WNK3: variants seen among roughly 807,000 people sequenced by gnomAD.
The protein encoded by WNK3 is serine/threonine-protein kinase WNK3.
In WNK3, 18 loss-of-function variants were observed where a neutral mutation model predicts 116.7. That is an observed-to-expected ratio of 0.15 (90% CI 0.11 to 0.23). WNK3 has a LOEUF of 0.23. WNK3 is among the 10% of genes least tolerant of loss of function. The pLI, the probability that WNK3 is intolerant of heterozygous loss-of-function variation, is 1.00. For synonymous variants in WNK3, 404 were observed against 469.4 expected, an observed-to-expected ratio of 0.86 and a Z score of 1.80; for missense variants, 993 against 1,323.8, an observed-to-expected ratio of 0.75 and a Z score of 3.88.
intron 6 of WNK3, among the ~76,000 whole-genome samples, chrX:54,301,485 G>A (rs782551026): frequency 1.7e-4 from 19 of 110,827 alleles, no homozygotes; most frequent in African/African-American, 5.2e-4. Context: ...ATTAACTTGT[G>A]AGGGCCTACT....
intron 10 of WNK3, among the ~76,000 whole-genome samples, chrX:54,290,134 G>C (rs1557164705): frequency 9.0e-6 from 1 of 111,225 alleles, no homozygotes; most frequent in African/African-American, 3.3e-5. Flanking sequence ...AAATTGGCCA[G>C]GCATGCTGGT....
At chrX:54,336,106 A>C (rs1247386298) in intron 1 of WNK3, among the ~76,000 whole-genome samples, 2 of 112,029 alleles carry the variant, frequency 1.8e-5, no homozygotes, top group African/African-American at 6.5e-5. Context: ...CCTGGGCAAC[A>C]TGGTGAAACC....
chrX:54,346,922 A>G (rs782322920), intron 1 of WNK3, among the ~76,000 whole-genome samples: 138 of 112,010 alleles, frequency 1.2e-3, no homozygotes, highest in African/African-American at 4.4e-3. Context: ...AGGAGATTCT[A>G]TTTAGGAAGG....
chrX:54,325,790 G>A lies in WNK3; in HGVS notation c.537+7347C>T, dbSNP rs150181605. 7.2e-3 allele frequency among the ~76,000 whole-genome samples: 780 copies of A among 109,069 alleles called. 9 individuals carry two copies. Among genetic ancestry groups the A allele is most frequent in the African/African-American group, 0.025 (763 of 30,013 alleles). 94.7% of individuals were successfully genotyped at this position (109,069 alleles called of 115,157 possible). On this transcript the variant is annotated intron_variant, in intron 2 of 23. Transcript: ENST00000354646. ...CCAACTCATCATAGAGCAAAAACTG[G>A]TTGTATTTCCATGTGTAAAAGCTAA... is the stretch of plus-strand genomic sequence containing the variant.
chrX:54,274,334 C>T (rs1020789957), intron 10 of WNK3, among the ~76,000 whole-genome samples: 12 of 111,381 alleles, frequency 1.1e-4, no homozygotes, highest in Admixed American at 5.8e-4. Context: ...GATGACATTG[C>T]TTCCATTTCA....
chrX:54,267,124 T>C (rs868946350), intron 10 of WNK3, among the ~76,000 whole-genome samples: 5 of 112,081 alleles, frequency 4.5e-5, no homozygotes, highest in African/African-American at 1.3e-4. Flanking sequence ...ACTGCAGCAC[T>C]ATTTACAATA....
intron 17 of WNK3, among the ~76,000 whole-genome samples, chrX:54,247,889 T>C (rs1557153002): frequency 9.0e-6 from 1 of 111,432 alleles, no homozygotes; most frequent in Non-Finnish European, 1.9e-5. Context: ...TTATTAGTGG[T>C]TACTTTTGTG....
chrX:54,204,973 TG>T (rs1231019211), intron 22 of WNK3, among the ~76,000 whole-genome samples: 1 of 112,418 alleles, frequency 8.9e-6, no homozygotes, highest in Non-Finnish European at 1.9e-5. Flanking sequence ...CCAATCATTC[TG>T]GGAGGCCAAG....
At chrX:54,212,892 G>A (rs1355454370) in intron 22 of WNK3, among the ~76,000 whole-genome samples, 2 of 111,592 alleles carry the variant, frequency 1.8e-5, no homozygotes, top group Non-Finnish European at 3.8e-5. Flanking sequence ...GGATATGTGT[G>A]TGTATATATA....
chrX:54,313,387 T>C (rs1268576981), intron 2 of WNK3, among the ~76,000 whole-genome samples: 1 of 109,282 alleles, frequency 9.2e-6, no homozygotes, highest in Non-Finnish European at 1.9e-5. Context: ...GTTTTGCTCT[T>C]GTTGCCCAGG....
chrX:54,307,935 C>T, exon 5 of WNK3: 1 of 1,188,515 alleles, frequency 8.4e-7, no homozygotes, highest in Middle Eastern at 2.4e-4. Flanking sequence ...AGTTACTTTC[C>T]GGTATATTTG....
chrX:54,295,046 G>A (rs1488934127), intron 7 of WNK3, among the ~76,000 whole-genome samples, 199 bp from the exon 8 acceptor site: 3 of 107,849 alleles, frequency 2.8e-5, no homozygotes, highest in Admixed American at 1.0e-4. Flanking sequence ...ACAGGTGCCC[G>A]CCACCACGCC....
At chrX:54,321,550 C>T (rs781801576) in intron 2 of WNK3, among the ~76,000 whole-genome samples, 5 of 111,476 alleles carry the variant, frequency 4.5e-5, no homozygotes, top group South Asian at 3.8e-4. Flanking sequence ...CTGAGGATAA[C>T]GATAATTTGT....
intron 4 of WNK3, 70 bp downstream of exon 4, chrX:54,309,025 T>C: frequency 3.2e-6 from 3 of 948,699 alleles, no homozygotes; most frequent in Non-Finnish European, 4.5e-6. Flanking sequence ...GCTGGCTGAT[T>C]CCTGTTCTAG....
In WNK3 at chrX:54,218,797, T is replaced by C. The variant is rs782401670; in HGVS notation, c.4870+9917A>G. 6.3e-5 allele frequency among the ~76,000 whole-genome samples: 7 copies of C among 110,636 alleles called. No homozygotes were observed. In the East Asian group the frequency reaches 1.7e-3, roughly 27 times the overall value. On this transcript the variant is annotated intron_variant, in intron 22 of 23. Coordinates refer to ENST00000354646, the Ensembl canonical transcript of WNK3. ...TACCTGGGGGGCTGAGGCACGAGAATTGCTTGAACCCGGGAAGCGGAGGTT... is the reference window on the plus strand; with the variant it reads ...TACCTGGGGGGCTGAGGCACGAGAACTGCTTGAACCCGGGAAGCGGAGGTT...
At position 54,288,541 on chromosome X, in the gene WNK3, C is replaced by T. The variant is rs112479360; in HGVS notation, c.2037+4347G>A. 8.9e-3 allele frequency among the ~76,000 whole-genome samples: 992 copies of T among 111,193 alleles called. 9 individuals are homozygous for T. Among genetic ancestry groups the T allele is most frequent in the African/African-American group, 0.032 (968 of 30,678 alleles). On this transcript the variant is annotated intron_variant, in intron 10 of 23. Transcript: ENST00000354646. ...GCTAGATGTGATTGGGAAAACTGTG[C>T]TGAGAAATGTGGGGGCTGGATCTGT...
chrX:54,282,232 A>T lies in WNK3; in HGVS notation c.2037+10656T>A, dbSNP rs1375318504. Among the ~76,000 whole-genome samples the T allele has an allele frequency of 2.7e-5, 3 of 109,381 alleles. No individual in the cohort carries two copies. In the Admixed American group the frequency reaches 3.0e-4, roughly 11 times the overall value. The allele number at this position is 109,381 out of a possible 115,157, so 95.0% of individuals were successfully genotyped here. On this transcript the variant is annotated intron_variant, in intron 10 of 23. Coordinates refer to ENST00000354646, the Ensembl canonical transcript of WNK3. ...ATTTTTTAATTTTTTTGTAGAGACG[A>T]GGAGGTCTCACTATGTTGCCCAGGT...
intron 1 of WNK3, among the ~76,000 whole-genome samples, chrX:54,337,781 C>T (rs1349563020): frequency 9.1e-6 from 1 of 109,381 alleles, no homozygotes; most frequent in East Asian, 2.9e-4. Context: ...AAAATAAAAT[C>T]TTTGGCCAGA....
chrX:54,265,316 G>A (rs1464924379), intron 10 of WNK3, among the ~76,000 whole-genome samples: 1 of 110,706 alleles, frequency 9.0e-6, no homozygotes, highest in Non-Finnish European at 1.9e-5. Flanking sequence ...GTAAAACCCC[G>A]TCTCTAGTGA....
Sources: allele counts gnomAD v4.1 joint callset (sites outside exome capture counted in the v4.1 genomes callset), GRCh38; gene constraint gnomAD v4.1.1; transcripts MANE v1.5; gene names NCBI Gene and HGNC (gene_info 2026-07-23, HGNC 2026-07-21).